The following AGTPBP1 variants were observed in gnomAD, a reference collection of about 807,000 sequenced individuals.
AGTPBP1 encodes ATP/GTP binding carboxypeptidase 1.
In AGTPBP1, 70 loss-of-function variants were observed where a neutral mutation model predicts 143.9. The ratio of observed to expected loss-of-function variants is 0.49; its 90% CI spans 0.40 to 0.59. AGTPBP1 has a LOEUF of 0.59. Among genes scored for constraint, AGTPBP1 ranks in the 20% least tolerant of loss-of-function variants. The pLI is 0.00. For synonymous variants in AGTPBP1, 463 were observed against 500.2 expected (o/e 0.93, Z 0.99); for missense variants, 1,229 against 1,464.5 (o/e 0.84, Z 2.62).
chr9:85,573,283 T>C (rs943577502), intron 25 of AGTPBP1, among the ~76,000 whole-genome samples: 3 of 152,180 alleles, frequency 2.0e-5, no homozygotes, highest in African/African-American at 7.2e-5. Context: ...TTCATATTTT[T>C]TTGGTGGAGA....
intron 1 of AGTPBP1, 123 bp downstream of exon 1, chr9:85,741,652 A>C: frequency 8.0e-7 from 1 of 1,247,940 alleles, no homozygotes. Context: ...CCCGTCAGGT[A>C]AGGGGCGCAG....
chr9:85,549,697 A>C (rs1398370868), intron 25 of AGTPBP1, among the ~76,000 whole-genome samples: 1 of 152,208 alleles, frequency 6.6e-6, no homozygotes, highest in Non-Finnish European at 1.5e-5. Context: ...ACAGGAAGGA[A>C]TCTTAGAGCA....
chr9:85,683,838 T>C (rs1047589533), intron 3 of AGTPBP1, among the ~76,000 whole-genome samples: 6 of 152,142 alleles, frequency 3.9e-5, no homozygotes, highest in Admixed American at 1.3e-4. Context: ...TAAACCTCAC[T>C]GTCACCTTTG....
At chr9:85,557,173 T>C (rs188968679) in intron 25 of AGTPBP1, among the ~76,000 whole-genome samples, 1 of 152,316 alleles carries the variant, frequency 6.6e-6, no homozygotes, top group East Asian at 1.9e-4. Context: ...ATTCCTTACA[T>C]AGCTAAGTCT....
rs755592454 is a variant in AGTPBP1 at position 85,677,521 on chromosome 9, T to C, written c.351A>G (p.Leu117=). 6.2e-7 allele frequency: 1 copy of C among 1,603,552 alleles called. No individual in the cohort carries two copies. The highest frequency in any genetic ancestry group is 8.5e-7 in the Non-Finnish European group (1 of 1,174,982). The change falls in exon 6 of 26, where the codon TTA becomes TTG. Residue 117 remains leucine, a synonymous_variant. Coordinates refer to ENST00000357081, the MANE Select transcript of AGTPBP1 (RefSeq NM_001330701.2). The part of the protein sequence containing the change: ...TKGGSQILLQ[L]LMNASKESPP... ...GAGATTCTTTGCTGGCATTCATAAGTAACTGCAACAATATTTGTGAACCAC... is the reference window on the plus strand; with the variant it reads ...GAGATTCTTTGCTGGCATTCATAAGCAACTGCAACAATATTTGTGAACCAC...
chr9:85,756,996 CT>C, the AGTPBP1 span, among the ~76,000 whole-genome samples: 285 of 138,784 alleles, frequency 2.1e-3, 2 homozygotes, highest in African/African-American at 6.6e-3. Context: ...TGTGGGGTTT[CT>C]TTTTTTTGGG....
the AGTPBP1 span, among the ~76,000 whole-genome samples, chr9:85,765,466 T>A: frequency 6.6e-6 from 1 of 152,206 alleles, no homozygotes; most frequent in African/African-American, 2.4e-5. Flanking sequence ...ACAGTTTTTT[T>A]AAAACTATAG....
the AGTPBP1 span, chr9:85,786,254 A>G: frequency 3.7e-5 from 59 of 1,600,038 alleles, no homozygotes; most frequent in South Asian, 6.4e-4. Context: ...CCAAATCCTC[A>G]AAAGCTCTGG....
At chr9:85,618,474 A>T (rs1377643856) in intron 17 of AGTPBP1, among the ~76,000 whole-genome samples, 1 of 152,072 alleles carries the variant, frequency 6.6e-6, no homozygotes, top group Non-Finnish European at 1.5e-5. Context: ...ATAGACCAAT[A>T]TCCCTCTTTA....
intron 7 of AGTPBP1, among the ~76,000 whole-genome samples, chr9:85,669,939 T>C (rs985150578): frequency 6.6e-6 from 1 of 152,118 alleles, no homozygotes; most frequent in Non-Finnish European, 1.5e-5. Context: ...GAACAAAGTG[T>C]AGAGAGAATG....
At chr9:85,691,034 GTTTT>G (rs914492585) in intron 3 of AGTPBP1, among the ~76,000 whole-genome samples, 19 of 152,240 alleles carry the variant, frequency 1.2e-4, no homozygotes, top group African/African-American at 4.3e-4. Context: ...TTTTTGTTGG[GTTTT>G]TTGTTTGGTT....
intron 11 of AGTPBP1, among the ~76,000 whole-genome samples, chr9:85,654,485 C>T (rs560749408): frequency 7.1e-4 from 108 of 152,052 alleles, no homozygotes; most frequent in Admixed American, 2.9e-3. Context: ...TGAAAAGCTA[C>T]AAATGTAAAC....
At chr9:85,609,290 C>CTT (rs71370873) in intron 17 of AGTPBP1, among the ~76,000 whole-genome samples, 104 of 134,264 alleles carry the variant, frequency 7.7e-4, no homozygotes, top group African/African-American at 2.0e-3. Context: ...GTGTACAGAT[C>CTT]TTTTTTTTTT....
chr9:85,648,709 G>A (rs1292113354), intron 11 of AGTPBP1, among the ~76,000 whole-genome samples: 2 of 152,178 alleles, frequency 1.3e-5, no homozygotes, highest in African/African-American at 4.8e-5. Flanking sequence ...CTACTCGGGA[G>A]GCTGAGGCAG....
At chr9:85,620,136 C>T (rs1830831562) in intron 15 of AGTPBP1, among the ~76,000 whole-genome samples, 3 of 152,078 alleles carry the variant, frequency 2.0e-5, no homozygotes, top group South Asian at 2.1e-4. Context: ...TTTAGCCAGG[C>T]ACGGTGGGTC....
At chr9:85,636,175 C>T (rs1369433540) in intron 13 of AGTPBP1, among the ~76,000 whole-genome samples, 2 of 150,916 alleles carry the variant, frequency 1.3e-5, no homozygotes, top group East Asian at 1.9e-4. Context: ...GAATCTCAGA[C>T]TAAGAAATGA....
chr9:85,559,794 G>C (rs914660603), intron 25 of AGTPBP1, among the ~76,000 whole-genome samples: 14 of 152,118 alleles, frequency 9.2e-5, no homozygotes, highest in Non-Finnish European at 1.9e-4. Context: ...TAGCACAACA[G>C]TTCCGAGAAA....
At chr9:85,653,454 T>G (rs148755755) in intron 11 of AGTPBP1, among the ~76,000 whole-genome samples, 2 of 152,152 alleles carry the variant, frequency 1.3e-5, no homozygotes, top group African/African-American at 4.8e-5. Context: ...TTTGGTGAAT[T>G]TACTGCACTA....
chr9:85,657,553 C>T lies in AGTPBP1; in HGVS notation c.791G>A (p.Arg264Lys), dbSNP rs1171910603. 1 of 1,613,902 alleles carries T rather than the reference C, an allele frequency of 6.2e-7. No homozygotes were observed. Among genetic ancestry groups the T allele is most frequent in the Non-Finnish European group, 8.5e-7 (1 of 1,179,944 alleles). ...AATTCCTTTCCGAATGAGCATGTTT[C>T]TATGCCGGTTATCATGGCGGTGCCA... ...VDWHRHDNRH[R>K]NMLIRKGILQ... The change falls in exon 10 of 26, where the codon AGA (arginine) becomes AAA (lysine). Residue 264 changes from arginine (R) to lysine (K), a missense_variant. By Grantham distance (26) the Arg-to-Lys change is conservative. This residue lies in a region of AGTPBP1 where 743 missense variants were observed against 812.2 expected (regional missense o/e 0.91). Transcript: ENST00000357081.
Sources: allele counts gnomAD v4.1 joint callset (sites outside exome capture counted in the v4.1 genomes callset), GRCh38; gene constraint gnomAD v4.1.1; regional missense constraint gnomAD v4.1.1; transcripts MANE v1.5; gene names NCBI Gene and HGNC (gene_info 2026-07-23, HGNC 2026-07-21).